Variants in VPS8 observed in about 807,000 individuals in gnomAD.
VPS8 encodes the protein vacuolar protein sorting-associated protein 8 homolog.
VPS8 carries 129 observed loss-of-function variants against 216.4 expected under a neutral mutation model. That is an observed-to-expected ratio of 0.60 (90% CI 0.52 to 0.69). VPS8 has a LOEUF of 0.69. Among genes scored for constraint, VPS8 ranks in the 30% least tolerant of loss-of-function variants. The pLI is 0.00. For missense variants in VPS8, 1,531 were observed against 1,683.5 expected, an observed-to-expected ratio of 0.91 and a Z score of 1.59; for synonymous variants, 571 against 565.4, an observed-to-expected ratio of 1.01 and a Z score of -0.14.
Position 184,862,998 on chromosome 3 carries a change from A to C in VPS8, c.1326A>C (p.Glu442Asp). ...AATTGGAGACAGTGGAGATCTCAGA[A>C]GTTCAGCTGGTCTACAATAGCAGCC... ...QEELETVEIS[E>D]VQLVYNSSHF... The change falls in exon 16 of 48, where the codon GAA (glutamate) becomes GAC (aspartate). Residue 442 changes from glutamate to aspartate, a missense_variant. By Grantham distance (45) the Glu-to-Asp change is conservative (BLOSUM62 2). Transcript: ENST00000625842. The C allele has an allele frequency of 6.2e-7, 1 of 1,612,594 alleles. No homozygotes were observed. The highest frequency in any genetic ancestry group is 8.5e-7 in the Non-Finnish European group (1 of 1,179,316).
At chr3:185,031,062 C>CGT (rs1758054032) in intron 46 of VPS8, among the ~76,000 whole-genome samples, 1 of 75,238 alleles carries the variant, frequency 1.3e-5, no homozygotes, top group South Asian at 5.1e-4. Flanking sequence ...TACAGGTTGG[C>CGT]GTTTTTTTTT....
At chr3:184,900,681 A>C (rs1734321304) in intron 24 of VPS8, among the ~76,000 whole-genome samples, 1 of 152,210 alleles carries the variant, frequency 6.6e-6, no homozygotes, top group African/African-American at 2.4e-5. Flanking sequence ...ATCTCAGATA[A>C]GCCCTTTATA....
intron 42 of VPS8, among the ~76,000 whole-genome samples, chr3:184,986,706 G>T (rs1751144766): frequency 6.6e-6 from 1 of 152,186 alleles, no homozygotes; most frequent in Non-Finnish European, 1.5e-5. Flanking sequence ...CCATGGAGCT[G>T]CATCAGTCAG....
rs752428165 is a variant in VPS8 at position 184,957,475 on chromosome 3, A to G, written c.3137A>G (p.Glu1046Gly). ...CAGTTCAACCCAACCCAAGTTATAG[A>G]GACTCTGCAAGTCCTTGAGTGCTAC... ...LCQFNPTQVI[E>G]TLQVLECYRL... The change falls in exon 37 of 48, where the codon GAG (glutamate) becomes GGG (glycine). Residue 1046 changes from glutamate to glycine, a missense_variant. By Grantham distance (98) the Glu-to-Gly change is moderately conservative. Coordinates refer to ENST00000625842, the MANE Select transcript of VPS8 (RefSeq NM_001009921.3). The G allele has an allele frequency of 1.1e-5, 18 of 1,612,566 alleles. No homozygotes were observed. The highest frequency in any genetic ancestry group is 1.7e-5 in the Admixed American group (1 of 59,816).
In VPS8 at chr3:184,850,131, A is replaced by G. The variant is rs565454355; in HGVS notation, c.753+109A>G. 9.5e-5 allele frequency: 78 copies of G among 820,754 alleles called. No homozygotes were observed. In the Admixed American group the frequency reaches 2.1e-3, roughly 22 times the overall value. The allele number at this position is 820,754 out of a possible 1,614,324, so 50.8% of individuals were successfully genotyped here. A position where few individuals can be genotyped will look rare whatever the true frequency, so the allele number is the denominator to read the frequency against. ...TCAGAGTCCAAAAAATGTATTTAAC[A>G]TGAAGCTGAACATTACCTTATAAAT... On this transcript the variant is annotated intron_variant, in intron 10 of 47. Transcript: ENST00000625842.
chr3:184,881,285 A>C (rs1450497121), intron 21 of VPS8, among the ~76,000 whole-genome samples: 1 of 152,132 alleles, frequency 6.6e-6, no homozygotes, highest in African/African-American at 2.4e-5. Flanking sequence ...TTTGTGTGTA[A>C]CTTAAATGTG....
intron 25 of VPS8, among the ~76,000 whole-genome samples, chr3:184,906,337 C>T (rs1735488286): frequency 6.6e-6 from 1 of 152,094 alleles, no homozygotes; most frequent in Non-Finnish European, 1.5e-5. Context: ...TTTATGACCT[C>T]ATGTAAGGTC....
chr3:184,915,092 C>G (rs1737293061), intron 27 of VPS8, 39 bp downstream of exon 27: 1 of 1,603,524 alleles, frequency 6.2e-7, no homozygotes, highest in Admixed American at 1.7e-5. Flanking sequence ...TGTTCTCCGT[C>G]TCTGGTTAAG....
chr3:185,009,527 G>C (rs1754712552), intron 45 of VPS8, among the ~76,000 whole-genome samples: 2 of 152,148 alleles, frequency 1.3e-5, no homozygotes, highest in Admixed American at 1.3e-4. Context: ...GGCCAGATAT[G>C]TTTCAGAATT....
intron 45 of VPS8, among the ~76,000 whole-genome samples, chr3:185,002,423 G>C (rs1753543704): frequency 6.6e-6 from 1 of 152,108 alleles, no homozygotes; most frequent in Admixed American, 6.5e-5. Flanking sequence ...CATCAAGAAA[G>C]GTTCGGAAAC....
rs375374161 is a variant in VPS8 at position 184,915,089 on chromosome 3, C to T, written c.2262+36C>T. 76 of 1,603,852 alleles carry T rather than the reference C, an allele frequency of 4.7e-5. No individual in the cohort carries two copies. The Middle Eastern group carries it at 6.6e-4, about 14-fold the overall frequency. ...TTTTTATAGCCTTTTGACTGTTCTC[C>T]GTCTCTGGTTAAGACGCACTGAAGA... is the stretch of plus-strand genomic sequence containing the variant. On this transcript the variant is annotated intron_variant, in intron 27 of 47. Coordinates refer to ENST00000625842, the MANE Select transcript of VPS8 (RefSeq NM_001009921.3).
intron 1 of VPS8, among the ~76,000 whole-genome samples, chr3:184,821,530 T>A (rs1717591784): frequency 6.6e-6 from 1 of 151,932 alleles, no homozygotes; most frequent in Non-Finnish European, 1.5e-5. Flanking sequence ...TGTATTTTAG[T>A]AGAGACGAGG....
At chr3:184,912,923 C>T (rs1207469253) in intron 25 of VPS8, among the ~76,000 whole-genome samples, 1 of 152,204 alleles carries the variant, frequency 6.6e-6, no homozygotes, top group African/African-American at 2.4e-5. Flanking sequence ...CTGCTCCATT[C>T]TGTATTGCCC....
rs975179890 is a variant in VPS8, at chr3:184,849,094, T to A, written c.565T>A (p.Cys189Ser). The change falls in exon 9 of 48, where the codon TGT becomes AGT. Residue 189 changes from cysteine (C) to serine (S), a missense_variant. This residue lies in a region of VPS8 where 1,318 missense variants were observed against 1,468.4 expected (regional missense o/e 0.90). Transcript: ENST00000625842. ...GKDQNQALRL[C>S]LGSTSVGGQY... is the part of the protein sequence containing the mutation. ...AGATCAGAATCAAGCTTTGCGACTC[T>A]GTCTGGGTAGCACTAGTGTTGGAGG... The A allele has an allele frequency of 1.2e-6, 2 of 1,613,448 alleles. No individual in the cohort carries two copies. The highest frequency in any genetic ancestry group is 1.7e-6 in the Non-Finnish European group (2 of 1,179,480).
intron 21 of VPS8, chr3:184,882,574 C>G (rs981951793): frequency 8.6e-6 from 2 of 232,978 alleles, no homozygotes; most frequent in South Asian, 1.0e-4. Flanking sequence ...ACTAACTTAA[C>G]AAAATGAATT....
chr3:184,877,137 C>A, intron 21 of VPS8, among the ~76,000 whole-genome samples: 1 of 152,142 alleles, frequency 6.6e-6, no homozygotes, highest in East Asian at 1.9e-4. Flanking sequence ...ATAAAAAATC[C>A]TTTCTCATTT....
Position 184,870,821 on chromosome 3 carries a change from G to C in VPS8, c.1734+16G>C. 6.3e-7 allele frequency: 1 copy of C among 1,598,864 alleles called. No homozygotes were observed. On this transcript the variant is annotated intron_variant, in intron 21 of 47. Transcript: ENST00000625842. ...GCATTTTCAGGTACACATTGCATGT[G>C]CTTCCAGTAGACGATGCTCTGGATA...
At chr3:184,825,617 G>T (rs1203838968) in intron 2 of VPS8, among the ~76,000 whole-genome samples, 2 of 152,194 alleles carry the variant, frequency 1.3e-5, no homozygotes, top group Non-Finnish European at 2.9e-5. Context: ...TTTCTGGAAA[G>T]TAGGCCGGGC....
chr3:184,976,165 C>A (rs1487218891), intron 40 of VPS8, among the ~76,000 whole-genome samples: 1 of 152,084 alleles, frequency 6.6e-6, no homozygotes, highest in Non-Finnish European at 1.5e-5. Context: ...CCCATGGACT[C>A]ATACTTGCTT....
Sources: gnomAD v4.1 joint callset for allele counts (sites outside exome capture counted in the v4.1 genomes callset) on GRCh38, gnomAD v4.1.1 for gene constraint, gnomAD v4.1.1 regional missense constraint, MANE v1.5 for transcripts, NCBI Gene and HGNC (gene_info 2026-07-23, HGNC 2026-07-21) for gene names.